The following OPA3 variants were observed in gnomAD, a reference collection of about 807,000 sequenced individuals.
The protein encoded by OPA3 is outer mitochondrial membrane lipid metabolism regulator OPA3, also known as optic atrophy 3 protein.
In OPA3, 6 loss-of-function variants were observed where a neutral mutation model predicts 4.0. The ratio of observed to expected loss-of-function variants is 1.51; its 90% confidence interval spans 0.83 to 2.99. The LOEUF (loss-of-function observed/expected upper bound fraction) is 2.99. Among genes scored for constraint, OPA3 ranks in the 30% most tolerant of loss-of-function variants. OPA3 has a pLI of 0.00. For synonymous variants in OPA3, 105 were observed against 117.1 expected (o/e 0.90, Z 0.67); for missense variants, 235 against 256.2 (o/e 0.92, Z 0.56).
intron 1 of OPA3, among the ~76,000 whole-genome samples, chr19:45,567,564 A>G (rs907407118): frequency 1.3e-5 from 2 of 152,106 alleles, no homozygotes; most frequent in Non-Finnish European, 2.9e-5. Flanking sequence ...ACGATGTTTT[A>G]TATCTTGGGT....
intron 1 of OPA3, among the ~76,000 whole-genome samples, chr19:45,572,971 A>T (rs1969710908): frequency 1.3e-5 from 2 of 151,468 alleles, no homozygotes; most frequent in South Asian, 4.2e-4. Context: ...GCTTAGATAC[A>T]ATTAGGTACC....
intron 1 of OPA3, among the ~76,000 whole-genome samples, chr19:45,562,057 C>T (rs1180182153): frequency 1.3e-5 from 2 of 151,714 alleles, no homozygotes; most frequent in African/African-American, 4.8e-5. Flanking sequence ...TAGAAATTCT[C>T]TTATTAGGGC....
At chr19:45,584,419 T>A in intron 1 of OPA3, 1 of 985,312 alleles carries the variant, frequency 1.0e-6, no homozygotes, top group Non-Finnish European at 1.2e-6. Flanking sequence ...GCGTGGTGGC[T>A]CCTTGACCCG....
At position 45,532,648 on chromosome 19, in the gene OPA3, T is replaced by C. The variant is rs1052020490; in HGVS notation, c.143-3192A>G. Among the ~76,000 whole-genome samples the C allele has an allele frequency of 3.9e-5, 6 of 152,318 alleles. No homozygotes were observed. In the East Asian group the frequency reaches 1.2e-3, roughly 29 times the overall value. ...TTTGTTGACTTTCAGAACTTATTTT[T>C]TCCCCCTAATTTTCAGTCTTTATTT... On this transcript the variant is annotated intron_variant, in intron 1 of 1. Transcript: ENST00000323060.
At chr19:45,542,891 T>C (rs1969202764), downstream of OPA3, among the ~76,000 whole-genome samples, 1 of 152,152 alleles carries the variant, frequency 6.6e-6, no homozygotes, top group Admixed American at 6.6e-5. Flanking sequence ...CAGGATGGTC[T>C]CGATCTCCTG....
chr19:45,535,839 A>G (rs1361241841), intron 1 of OPA3, among the ~76,000 whole-genome samples: 1 of 144,864 alleles, frequency 6.9e-6, no homozygotes, highest in South Asian at 2.1e-4. Context: ...ATTATAGCTC[A>G]CTATAGCCTT....
At chr19:45,536,847 C>T (rs952050853) in intron 1 of OPA3, among the ~76,000 whole-genome samples, 1 of 152,024 alleles carries the variant, frequency 6.6e-6, no homozygotes, top group African/African-American at 2.4e-5. Context: ...AAAAATAAAC[C>T]TTAACATCTA....
intron 1 of OPA3, among the ~76,000 whole-genome samples, chr19:45,537,396 CAAAAAAAAAAAAAAAA>C (rs1181396046): frequency 6.9e-5 from 2 of 28,918 alleles, no homozygotes; most frequent in African/African-American, 3.1e-4. Context: ...GACTCTGTCT[CAAAAAAAAAAAAAAAA>C]AAAAAAAAAA....
chr19:45,532,946 C>T (rs139141679), intron 1 of OPA3, among the ~76,000 whole-genome samples: 102 of 152,166 alleles, frequency 6.7e-4, no homozygotes, highest in African/African-American at 6.7e-4. Context: ...GGCTGGAGTG[C>T]GATGACACCA....
chr19:45,556,359 T>C (rs1297635117), intron 1 of OPA3, among the ~76,000 whole-genome samples: 1 of 140,372 alleles, frequency 7.1e-6, no homozygotes, highest in Non-Finnish European at 1.5e-5. Flanking sequence ...TCCATCTTAT[T>C]TATTTATTTA....
intron 1 of OPA3, among the ~76,000 whole-genome samples, chr19:45,566,205 A>AGTGGATGATCTCG (rs1555734497): frequency 6.6e-6 from 1 of 151,962 alleles, no homozygotes. Flanking sequence ...GCTGGAGTGC[A>AGTGGATGATCTCG]AAGGCGCAAT....
At chr19:45,560,759 A>T (rs962035522) in intron 1 of OPA3, among the ~76,000 whole-genome samples, 2 of 152,054 alleles carry the variant, frequency 1.3e-5, no homozygotes, top group Non-Finnish European at 2.9e-5. Flanking sequence ...CTATGCTCAG[A>T]TCTCTCTCAG....
At chr19:45,557,092 G>C (rs1969432108) in intron 1 of OPA3, among the ~76,000 whole-genome samples, 1 of 152,182 alleles carries the variant, frequency 6.6e-6, no homozygotes, top group Non-Finnish European at 1.5e-5. Context: ...GTGGTGAGGG[G>C]TGAGGGTTCC....
chr19:45,530,481 T>G (rs939758848), intron 1 of OPA3, among the ~76,000 whole-genome samples: 7 of 152,086 alleles, frequency 4.6e-5, no homozygotes, highest in African/African-American at 1.7e-4. Context: ...TGGTTTTTAT[T>G]TTTTTACTGT....
chr19:45,548,830 G>A lies in OPA3; in HGVS notation c.*4684C>T. 1.5e-6 allele frequency: 1 copy of A among 677,410 alleles called. No individual in the cohort carries two copies. The highest frequency in any genetic ancestry group is 6.7e-5 in the South Asian group (1 of 14,830). 42.0% of individuals were successfully genotyped at this position (677,410 alleles called of 1,614,324 possible). ...ATTTATTTATTTATTTAGAGATGAA[G>A]TCTCGCTCTGTCACCCAGGCTGGAG... On this transcript the variant is annotated 3_prime_UTR_variant, in exon 2 of 2. Coordinates refer to ENST00000263275, the MANE Select transcript of OPA3 (RefSeq NM_025136.4).
At chr19:45,533,627 G>C (rs1969084316) in intron 1 of OPA3, among the ~76,000 whole-genome samples, 1 of 152,208 alleles carries the variant, frequency 6.6e-6, no homozygotes, top group African/African-American at 2.4e-5. Flanking sequence ...CAGTTCACCA[G>C]TAAGTCCGTA....
chr19:45,559,638 C>T (rs1015217502), intron 1 of OPA3, among the ~76,000 whole-genome samples: 10 of 151,240 alleles, frequency 6.6e-5, no homozygotes, highest in African/African-American at 1.7e-4. Context: ...CCTGACCTCA[C>T]GTGATCCACC....
In OPA3 at chr19:45,552,184, T is replaced by A. The variant is rs746686870; in HGVS notation, c.*1330A>T. On this transcript the variant is annotated 3_prime_UTR_variant, in exon 2 of 2. Coordinates refer to ENST00000263275, the MANE Select transcript of OPA3 (RefSeq NM_025136.4). ...GGGTCTCAAGGGAAGGTACAATGATTCCAGGGATTGACTGCAGGCCAGGAC... is the reference window on the plus strand; with the variant it reads ...GGGTCTCAAGGGAAGGTACAATGATACCAGGGATTGACTGCAGGCCAGGAC... 2 of 985,018 alleles carry A rather than the reference T, an allele frequency of 2.0e-6. No individual in the cohort carries two copies. The highest frequency in any genetic ancestry group is 2.4e-6 in the Non-Finnish European group (2 of 829,868). The allele number at this position is 985,018 out of a possible 1,614,324, so 61.0% of individuals were successfully genotyped here.
At chr19:45,545,176 A>AC (rs1221532579), downstream of OPA3, among the ~76,000 whole-genome samples, 1 of 148,300 alleles carries the variant, frequency 6.7e-6, no homozygotes. Context: ...AAAAAAAAAA[A>AC]AACAAAAAAA....
Sources: gnomAD v4.1 joint callset for allele counts (sites outside exome capture counted in the v4.1 genomes callset) on GRCh38, gnomAD v4.1.1 for gene constraint, MANE v1.5 for transcripts, NCBI Gene and HGNC (gene_info 2026-07-23, HGNC 2026-07-21) for gene names.